Variants in PKHD1 observed in about 807,000 individuals in gnomAD.
PKHD1 encodes PKHD1 ciliary IPT domain containing fibrocystin/polyductin.
In PKHD1, 291 loss-of-function variants were observed where a neutral mutation model predicts 412.0. That is an observed-to-expected ratio of 0.71 (90% CI 0.64 to 0.78). The LOEUF (loss-of-function observed/expected upper bound fraction) is 0.78, where lower values mean the gene tolerates loss of function less well. Among genes scored for constraint, PKHD1 ranks in the 30% least tolerant of loss-of-function variants. PKHD1 has a pLI of 0.00. For missense variants in PKHD1, 4,825 were observed against 4,950.7 expected (o/e 0.97, Z 0.76); for synonymous variants, 1,777 against 1,821.5 (o/e 0.98, Z 0.62).
chr6:51,824,565 T>C (rs73440182), intron 52 of PKHD1, among the ~76,000 whole-genome samples: 15,111 of 152,192 alleles, frequency 0.099, 840 homozygotes, highest in East Asian at 0.15. Flanking sequence ...CCTTTCATCT[T>C]TGACTTCAGG....
Position 52,026,179 on chromosome 6 carries a change from C to A in PKHD1, c.3631G>T (p.Gly1211Trp). 2 of 1,613,794 alleles carry A rather than the reference C, an allele frequency of 1.2e-6. No homozygotes were observed. Among genetic ancestry groups the A allele is most frequent in the Non-Finnish European group, 1.7e-6 (2 of 1,179,852 alleles). The change falls in exon 32 of 67, where the codon GGG becomes TGG. Residue 1211 changes from glycine to tryptophan, a missense_variant and splice_region_variant. Coordinates refer to ENST00000371117, the MANE Select transcript of PKHD1 (RefSeq NM_138694.4). ...IEPCCGSLLG[G>W]TILSISGIGF... Reference sequence around the variant, plus strand: ...ATTCCTGAGATGCTGAGGATGGTCCCTCCTAAAGTATGAATACGGAAAGCA... The same window carrying A: ...ATTCCTGAGATGCTGAGGATGGTCCATCCTAAAGTATGAATACGGAAAGCA...
At position 51,660,122 on chromosome 6, in the gene PKHD1, G is replaced by A. The variant is rs955642500; in HGVS notation, c.10157-153C>T. 9.2e-5 allele frequency among the ~76,000 whole-genome samples: 14 copies of A among 151,714 alleles called. No individual in the cohort carries two copies. In the East Asian group the frequency reaches 9.7e-4, roughly 10 times the overall value. On this transcript the variant is annotated intron_variant, in intron 60 of 66. Coordinates refer to ENST00000371117, the MANE Select transcript of PKHD1 (RefSeq NM_138694.4). ...ATACTGAGAGTGCAAGGAAGATTGC[G>A]GCAAAATATTTTTAAAAATTAAATA... is the stretch of plus-strand genomic sequence containing the variant.
intron 46 of PKHD1, among the ~76,000 whole-genome samples, chr6:51,881,153 C>A (rs1403468017): frequency 6.9e-6 from 1 of 145,472 alleles, no homozygotes; most frequent in South Asian, 2.2e-4. Flanking sequence ...CTGAAAAATA[C>A]TGTGCTAAGT....
chr6:52,048,730 C>T (rs1399153388), intron 22 of PKHD1, 111 bp from the exon 23 acceptor site: 8 of 1,283,586 alleles, frequency 6.2e-6, no homozygotes, highest in East Asian at 2.4e-5. Context: ...CCAGAAAGAG[C>T]TAAGGGACCT....
At chr6:51,679,562 T>G (rs9395706) in intron 60 of PKHD1, among the ~76,000 whole-genome samples, 33,851 of 151,738 alleles carry the variant, frequency 0.22, 4,395 homozygotes, top group East Asian at 0.42. Context: ...ATACAAAACC[T>G]TCGACTGATA....
intron 37 of PKHD1, among the ~76,000 whole-genome samples, chr6:51,933,369 T>C (rs904962726): frequency 1.3e-5 from 2 of 152,204 alleles, no homozygotes; most frequent in African/African-American, 4.8e-5. Context: ...TAAGTAGAAC[T>C]GTAATTAAAC....
chr6:51,713,311 C>T (rs149083634), intron 60 of PKHD1, among the ~76,000 whole-genome samples: 210 of 152,292 alleles, frequency 1.4e-3, no homozygotes, highest in African/African-American at 4.8e-3. Flanking sequence ...CAATCTAATG[C>T]AATCTCAAAT....
chr6:51,709,079 G>A (rs983454630), intron 60 of PKHD1, among the ~76,000 whole-genome samples: 8 of 152,066 alleles, frequency 5.3e-5, no homozygotes, highest in African/African-American at 1.2e-4. Context: ...CCCCTACTAC[G>A]TGCTCCCTTG....
At chr6:51,883,924 CT>C (rs1777790378) in intron 45 of PKHD1, among the ~76,000 whole-genome samples, 1 of 152,184 alleles carries the variant, frequency 6.6e-6, no homozygotes, top group Admixed American at 6.6e-5. Context: ...CTTCTTTGCC[CT>C]TCTGCTATAG....
At chr6:51,815,883 C>A (rs1765375305) in intron 52 of PKHD1, among the ~76,000 whole-genome samples, 1 of 152,156 alleles carries the variant, frequency 6.6e-6, no homozygotes, top group Non-Finnish European at 1.5e-5. Context: ...AGTAAAATTT[C>A]TCACTTTATA....
chr6:51,675,207 C>A (rs938707252), intron 60 of PKHD1, among the ~76,000 whole-genome samples: 1 of 152,136 alleles, frequency 6.6e-6, no homozygotes, highest in African/African-American at 2.4e-5. Flanking sequence ...TGACAGACTT[C>A]AGAGCTCAAT....
In PKHD1 at chr6:52,033,029, C is replaced by A. The variant is rs1043412457; in HGVS notation, c.3364+1G>T. 5.6e-6 allele frequency: 9 copies of A among 1,610,892 alleles called. No homozygotes were observed. The highest frequency in any genetic ancestry group is 7.6e-6 in the Non-Finnish European group (9 of 1,177,284). On this transcript the variant is annotated splice_donor_variant, in intron 29 of 66. Coordinates refer to ENST00000371117, the MANE Select transcript of PKHD1 (RefSeq NM_138694.4). LOFTEE classifies it high-confidence loss of function. Reference sequence around the variant, plus strand: ...AGATCTTGCAGTATCACATATTTTACCTGCTATATTGCTTATGTTTCTGCT... The same window carrying A: ...AGATCTTGCAGTATCACATATTTTAACTGCTATATTGCTTATGTTTCTGCT...
Position 52,080,591 on chromosome 6 carries a change from C to T in PKHD1, c.282-583G>A, listed in dbSNP as rs141321806. On this transcript the variant is annotated intron_variant, in intron 4 of 66. Transcript: ENST00000371117. ...AATAAGAAAGAAACCATATTTAAGA[C>T]ATGCCTCCTCTCCAAACCTTCCCAA... Among the ~76,000 whole-genome samples, 80 of 152,276 alleles carry T rather than the reference C, an allele frequency of 5.3e-4. 1 individual carries two copies. The highest frequency in any genetic ancestry group is 1.9e-3 in the African/African-American group (78 of 41,554).
chr6:51,848,939 G>T (rs1232616735), intron 49 of PKHD1, among the ~76,000 whole-genome samples: 4 of 123,926 alleles, frequency 3.2e-5, no homozygotes, highest in African/African-American at 3.0e-5. Context: ...TATTTCTTCT[G>T]AAAAAAAAAA....
rs755908290 is a variant in PKHD1 at position 51,903,701 on chromosome 6, T to C, written c.6892A>G (p.Arg2298Gly). 2 of 1,611,788 alleles carry C rather than the reference T, an allele frequency of 1.2e-6. No individual in the cohort carries two copies. The highest frequency in any genetic ancestry group is 8.5e-7 in the Non-Finnish European group (1 of 1,178,260). ...DDWSGHGNII[R>G]NNVIIQVSGA... ...GAAACCTGGATGATCACGTTGTTTC[T>C]TATTATATTTCCATGTCCTGACCAG... Residue 2298 changes from arginine to glycine, a missense_variant, in exon 43 of 67, where the codon AGA becomes GGA. Physicochemically the swap from Arg to Gly is moderately radical, Grantham distance 125. Transcript: ENST00000371117.
intron 55 of PKHD1, among the ~76,000 whole-genome samples, chr6:51,763,118 C>T (rs1788325733): frequency 6.6e-6 from 1 of 152,002 alleles, no homozygotes; most frequent in Non-Finnish European, 1.5e-5. Flanking sequence ...AGAACACACG[C>T]AATGGAATCA....
intron 52 of PKHD1, among the ~76,000 whole-genome samples, chr6:51,793,438 G>A (rs1794079410): frequency 6.6e-6 from 1 of 152,134 alleles, no homozygotes; most frequent in African/African-American, 2.4e-5. Context: ...ACGGTGGCCT[G>A]CTGCACAGAT....
chr6:51,929,689 C>T (rs567909051), intron 37 of PKHD1, among the ~76,000 whole-genome samples: 68 of 152,298 alleles, frequency 4.5e-4, no homozygotes, highest in African/African-American at 1.6e-3. Context: ...AGACACTTGG[C>T]ATTTTCAGAA....
intron 27 of PKHD1, among the ~76,000 whole-genome samples, chr6:52,040,199 T>G (rs1804622013): frequency 2.0e-5 from 3 of 152,178 alleles, no homozygotes. Flanking sequence ...TACAACTTTG[T>G]GAATATACTG....
Sources: allele counts gnomAD v4.1 joint callset (sites outside exome capture counted in the v4.1 genomes callset), GRCh38; gene constraint gnomAD v4.1.1; transcripts MANE v1.5; gene names NCBI Gene and HGNC (gene_info 2026-07-23, HGNC 2026-07-21).